POTEF: variants seen among roughly 807,000 people sequenced by gnomAD.
POTEF encodes ANKRD26-like family C member 1B.
A neutral mutation model predicts 83.2 loss-of-function variants in POTEF; 20 were observed. The observed-to-expected ratio is 0.24, with a 90% CI of 0.17 to 0.35. The LOEUF is 0.35. POTEF is among the 10% of genes least tolerant of loss of function. The pLI is 1.00. For missense variants in POTEF, 550 were observed against 1,203.2 expected (o/e 0.46, Z 8.03); for synonymous variants, 196 against 446.4 (o/e 0.44, Z 7.07).
chr2:130,109,193 C>G (rs1573609138), intron 7 of POTEF: 1 of 150,964 alleles, frequency 6.6e-6, no homozygotes, highest in Non-Finnish European at 1.5e-5. Flanking sequence ...AATGACCTTC[C>G]AGTGACTGCA....
At chr2:130,093,158 T>G (rs1573598629) in intron 12 of POTEF, among the ~76,000 whole-genome samples, 1 of 140,864 alleles carries the variant, frequency 7.1e-6, no homozygotes, top group East Asian at 2.1e-4. Flanking sequence ...GATCTGTCAC[T>G]GTCTCACTTT....
intron 9 of POTEF, among the ~76,000 whole-genome samples, chr2:130,101,076 A>G (rs1684360010): frequency 1.6e-5 from 2 of 128,042 alleles, no homozygotes; most frequent in Admixed American, 1.7e-4. Flanking sequence ...AAAATGAATC[A>G]GCAGATGATT....
Position 130,129,178 on chromosome 2 carries a change from C to CGGGGCT in POTEF, c.-357_-356insAGCCCC, listed in dbSNP as rs1357191727. The CGGGGCT allele has an allele frequency of 1.7e-5, 1 of 58,468 alleles. No individual in the cohort carries two copies. The highest frequency in any genetic ancestry group is 3.6e-5 in the Non-Finnish European group (1 of 27,736). The allele number at this position is 58,468 out of a possible 1,614,324, so 3.6% of individuals were successfully genotyped here. A position where few individuals can be genotyped will look rare whatever the true frequency, so the allele number is the denominator to read the frequency against. ...GCTCAGGCTCCAGCCTCCAGCATGC[C>CGGGGCT]GCTCCCTTCTACTCGTCTTCCTGCC... On this transcript the variant is annotated 5_prime_UTR_variant, in exon 1 of 17. Coordinates refer to ENST00000409914, the MANE Select transcript of POTEF (RefSeq NM_001099771.2).
At chr2:130,115,825 T>C (rs1006873646) in intron 3 of POTEF, among the ~76,000 whole-genome samples, 20 of 152,280 alleles carry the variant, frequency 1.3e-4, no homozygotes, top group African/African-American at 4.3e-4. Context: ...ACCTACACTT[T>C]CAGGTGTGTT....
At chr2:130,126,827 AGAG>A (rs1248803896) in intron 2 of POTEF, among the ~76,000 whole-genome samples, 2 of 151,996 alleles carry the variant, frequency 1.3e-5, no homozygotes, top group Non-Finnish European at 2.9e-5. Flanking sequence ...GAAAACAAAA[AGAG>A]GAGGAGAAAC....
intron 8 of POTEF, among the ~76,000 whole-genome samples, chr2:130,106,196 G>A (rs1684524042): frequency 1.3e-5 from 2 of 150,610 alleles, no homozygotes; most frequent in African/African-American, 5.0e-5. Context: ...GGATATCAAT[G>A]AACAACCAAA....
chr2:130,097,716 C>A (rs1684279702), intron 11 of POTEF, among the ~76,000 whole-genome samples: 2 of 152,334 alleles, frequency 1.3e-5, no homozygotes, highest in South Asian at 2.1e-4. Flanking sequence ...TTGATCACAG[C>A]AAAATACTGG....
intron 8 of POTEF, among the ~76,000 whole-genome samples, chr2:130,104,549 A>C (rs1684463127): frequency 6.6e-6 from 1 of 151,400 alleles, no homozygotes; most frequent in Admixed American, 6.6e-5. Flanking sequence ...GCGGGGAAAA[A>C]ATCAAAGTGT....
intron 8 of POTEF, among the ~76,000 whole-genome samples, chr2:130,106,990 A>C (rs933015992): frequency 6.7e-6 from 1 of 150,062 alleles, no homozygotes; most frequent in Non-Finnish European, 1.5e-5. Context: ...GTCTCCTGCA[A>C]CTTATAAAAC....
intron 2 of POTEF, among the ~76,000 whole-genome samples, chr2:130,125,757 G>T (rs1962934): frequency 0.019 from 2,911 of 150,348 alleles, 63 homozygotes; most frequent in Non-Finnish European, 0.029. Flanking sequence ...AATACAAAAA[G>T]TAGCCGGGCG....
At chr2:130,112,202 T>C in intron 5 of POTEF, 101 bp from the exon 6 acceptor site, 3 of 1,254,326 alleles carry the variant, frequency 2.4e-6, no homozygotes, top group South Asian at 1.4e-5. Flanking sequence ...CTTACACGCA[T>C]AGAAGTAAAT....
intron 2 of POTEF, among the ~76,000 whole-genome samples, chr2:130,126,334 C>T (rs964868047): frequency 7.0e-6 from 1 of 142,876 alleles, no homozygotes; most frequent in Non-Finnish European, 1.5e-5. Context: ...AGAAAGAAAA[C>T]AAAGGAAATG....
In POTEF at chr2:130,120,313, C is replaced by T; in HGVS notation, c.203G>A (p.Cys68Tyr). ...RSKMGKWCRH[C>Y]FPCCRGSGKS... ...GCCACTCCCCCTGCAGCAGGGGAAG[C>T]AGTGGCGGCACCACTTGCCCATCTT... The change falls in exon 3 of 17, where the codon TGC becomes TAC. Residue 68 changes from cysteine to tyrosine, a missense_variant. By Grantham distance (194) the Cys-to-Tyr change is radical. Transcript: ENST00000409914. The T allele has an allele frequency of 6.2e-7, 1 of 1,606,310 alleles. No individual in the cohort carries two copies. The highest frequency in any genetic ancestry group is 8.5e-7 in the Non-Finnish European group (1 of 1,179,188).
intron 8 of POTEF, among the ~76,000 whole-genome samples, chr2:130,103,275 G>A (rs145940609): frequency 4.7e-5 from 7 of 149,930 alleles, no homozygotes; most frequent in African/African-American, 1.3e-4. Flanking sequence ...GCTAATTTTC[G>A]TGTTTTTAGT....
intron 7 of POTEF, among the ~76,000 whole-genome samples, chr2:130,108,831 A>G (rs1170035806): frequency 6.7e-6 from 1 of 149,214 alleles, no homozygotes; most frequent in Non-Finnish European, 1.5e-5. Context: ...GGATGTTAAG[A>G]CCTGACTTGG....
intron 7 of POTEF, 99 bp from the exon 8 acceptor site, chr2:130,108,178 G>A: frequency 6.7e-7 from 1 of 1,482,894 alleles, no homozygotes; most frequent in Non-Finnish European, 9.1e-7. Flanking sequence ...AACAATATCA[G>A]AATAACAGAA....
At chr2:130,126,629 A>G (rs1030203869) in intron 2 of POTEF, among the ~76,000 whole-genome samples, 3 of 152,082 alleles carry the variant, frequency 2.0e-5, no homozygotes, top group African/African-American at 7.3e-5. Context: ...CATGCTTACC[A>G]TTCCAATAAT....
At chr2:130,128,837 C>T (rs1428200536) in intron 1 of POTEF, among the ~76,000 whole-genome samples, 9 of 128,562 alleles carry the variant, frequency 7.0e-5, no homozygotes, top group Non-Finnish European at 1.1e-4. Context: ...CCCCCGCCAC[C>T]GGCAGTACAC....
chr2:130,121,836 TTAAAG>T (rs1685009432), intron 2 of POTEF, among the ~76,000 whole-genome samples: 1 of 112,388 alleles, frequency 8.9e-6, no homozygotes, highest in Admixed American at 1.1e-4. Context: ...ATTCACTCAT[TTAAAG>T]TATAAAATTC....
Sources: gnomAD v4.1 joint callset for allele counts (sites outside exome capture counted in the v4.1 genomes callset) on GRCh38, gnomAD v4.1.1 for gene constraint, MANE v1.5 for transcripts, NCBI Gene and HGNC (gene_info 2026-07-23, HGNC 2026-07-21) for gene names.